The following RAP1B variants were observed in gnomAD, a reference collection of about 807,000 sequenced individuals.
RAP1B encodes the protein ras-related protein Rap-1b.
Under a neutral mutation model 27.5 loss-of-function variants are expected in RAP1B, and 1 was observed. The ratio of observed to expected loss-of-function variants is 0.04; its 90% confidence interval spans 0.01 to 0.17. RAP1B has a LOEUF of 0.17. Among genes scored for constraint, RAP1B ranks in the 10% least tolerant of loss-of-function variants. The pLI, the probability that RAP1B is intolerant of heterozygous loss-of-function variation, is 1.00. For missense variants in RAP1B, 84 were observed against 214.8 expected, an observed-to-expected ratio of 0.39 and a Z score of 3.81; for synonymous variants, 75 against 73.1, an observed-to-expected ratio of 1.03 and a Z score of -0.13.
chr12:68,666,724 G>A lies in RAP1B; in HGVS notation c.*7475G>A, dbSNP rs1171350768. ...TTGGGATGTGGACATGCCTTTGGGA[G>A]CCATTAACAACCTACCAAAACATTT... is the stretch of plus-strand genomic sequence containing the variant. On this transcript the variant is annotated 3_prime_UTR_variant, in exon 8 of 8. Coordinates refer to ENST00000250559, the MANE Select transcript of RAP1B (RefSeq NM_001010942.3). The A allele has an allele frequency of 1.3e-5, 2 of 152,212 alleles. No individual in the cohort carries two copies. The highest frequency in any genetic ancestry group is 3.8e-4 in the East Asian group (2 of 5,206). The allele number at this position is 152,212 out of a possible 1,614,324, so 9.4% of individuals were successfully genotyped here.
Position 68,610,922 on chromosome 12 carries a change from T to C in RAP1B, c.-148T>C. ...GCGACATCGCCAAACCTCGCCCAGA[T>C]TCAGGCGTGTAAACCAGCCGGAGCG... is the stretch of plus-strand genomic sequence containing the variant. On this transcript the variant is annotated 5_prime_UTR_variant, in exon 1 of 8. Transcript: ENST00000250559. 6.5e-6 allele frequency: 2 copies of C among 305,626 alleles called. No individual in the cohort carries two copies. The highest frequency in any genetic ancestry group is 4.7e-5 in the East Asian group (1 of 21,400). 18.9% of individuals were successfully genotyped at this position (305,626 alleles called of 1,614,324 possible). A position where few individuals can be genotyped will look rare whatever the true frequency, so the allele number is the denominator to read the frequency against.
rs1334417457 is a variant in RAP1B, at chr12:68,668,694, G to A, written c.*9445G>A. 1.3e-5 allele frequency: 2 copies of A among 152,168 alleles called. No individual in the cohort carries two copies. The highest frequency in any genetic ancestry group is 4.8e-5 in the African/African-American group (2 of 41,428). 9.4% of individuals were successfully genotyped at this position (152,168 alleles called of 1,614,324 possible). On this transcript the variant is annotated 3_prime_UTR_variant, in exon 8 of 8. Coordinates refer to ENST00000250559, the MANE Select transcript of RAP1B (RefSeq NM_001010942.3). ...TCACAAATAGAAGTTTAAGAAAGCT[G>A]TCAGGTAGGCGCCTCAAATTCATTT... is the stretch of plus-strand genomic sequence containing the variant.
At chr12:68,647,020 T>A (rs1022040109) in intron 1 of RAP1B, among the ~76,000 whole-genome samples, 1 of 152,180 alleles carries the variant, frequency 6.6e-6, no homozygotes, top group African/African-American at 2.4e-5. Flanking sequence ...CAGAATACTT[T>A]TGAAAATTTC....
intron 1 of RAP1B, among the ~76,000 whole-genome samples, chr12:68,646,748 C>T (rs1873437639): frequency 6.6e-6 from 1 of 152,236 alleles, no homozygotes; most frequent in African/African-American, 2.4e-5. Context: ...GGTTATTGTA[C>T]TTCCATTTGT....
In RAP1B at chr12:68,669,774, T is replaced by G. The variant is rs1875003113; in HGVS notation, c.*10525T>G. 6.6e-6 allele frequency: 1 copy of G among 152,122 alleles called. No individual in the cohort carries two copies. The highest frequency in any genetic ancestry group is 2.1e-4 in the South Asian group (1 of 4,818). 9.4% of individuals were successfully genotyped at this position (152,122 alleles called of 1,614,324 possible). On this transcript the variant is annotated 3_prime_UTR_variant, in exon 8 of 8. Coordinates refer to ENST00000250559, the MANE Select transcript of RAP1B (RefSeq NM_001010942.3). ...GAGATTGTACCACTGCACTCCAGCC[T>G]GGGTGACAGAGCAAATCTCTATCTC...
chr12:68,628,977 A>G (rs550008435), intron 1 of RAP1B, among the ~76,000 whole-genome samples: 87 of 152,038 alleles, frequency 5.7e-4, no homozygotes, highest in Non-Finnish European at 1.0e-3. Context: ...TGAATCACAA[A>G]TCCTTTATCT....
rs553319382 is a variant in RAP1B, at chr12:68,647,098, G to A, written c.-26-1601G>A. Among the ~76,000 whole-genome samples, 66 of 152,236 alleles carry A rather than the reference G, an allele frequency of 4.3e-4. No homozygotes were observed. The Middle Eastern group carries it at 0.017, about 39-fold the overall frequency. ...GACAGAATCTCACTGTGTTGCCCAG[G>A]CTGGACTCCAGTGGTGTGATCTCAG... is the stretch of plus-strand genomic sequence containing the variant. On this transcript the variant is annotated intron_variant, in intron 1 of 7. Transcript: ENST00000250559.
intron 1 of RAP1B, among the ~76,000 whole-genome samples, chr12:68,631,701 G>T (rs1872249272): frequency 6.6e-6 from 1 of 151,760 alleles, no homozygotes. Context: ...TTGAAATATT[G>T]TAACTTTTTT....
rs1269605154 is a variant in RAP1B at position 68,667,208 on chromosome 12, T to C, written c.*7959T>C. The C allele has an allele frequency of 2.6e-5, 4 of 152,210 alleles. No individual in the cohort carries two copies. The highest frequency in any genetic ancestry group is 9.6e-5 in the African/African-American group (4 of 41,454). 9.4% of individuals were successfully genotyped at this position (152,210 alleles called of 1,614,324 possible). A position where few individuals can be genotyped will look rare whatever the true frequency, so the allele number is the denominator to read the frequency against. On this transcript the variant is annotated 3_prime_UTR_variant, in exon 8 of 8. Coordinates refer to ENST00000250559, the MANE Select transcript of RAP1B (RefSeq NM_001010942.3). ...CACGCATCCCACCTTTAATCAGACA[T>C]ATGTGATTCATATGAGAGAAAATTA...
At position 68,637,624 on chromosome 12, in the gene RAP1B, A is replaced by AC. The variant is rs1872720743; in HGVS notation, c.-26-11075_-26-11074insC. On this transcript the variant is annotated intron_variant, in intron 1 of 7. Transcript: ENST00000250559. ...CAAAAAAAAAAAAAAAAAAAAAAAA[A>AC]AAAACAAGATGCCAGCCTAGAAATA... 1.3e-5 allele frequency among the ~76,000 whole-genome samples: 2 copies of AC among 150,658 alleles called. 1 individual carries two copies. Among genetic ancestry groups the AC allele is most frequent in the African/African-American group, 4.9e-5 (2 of 41,150 alleles).
At chr12:68,654,447 T>C (rs1372707700) in intron 5 of RAP1B, among the ~76,000 whole-genome samples, 195 bp downstream of exon 5, 1 of 151,892 alleles carries the variant, frequency 6.6e-6, no homozygotes, top group African/African-American at 2.4e-5. Flanking sequence ...GTGAGAAATT[T>C]CCTCCTTTGC....
At chr12:68,630,267 G>A (rs1232520137) in intron 1 of RAP1B, among the ~76,000 whole-genome samples, 1 of 152,190 alleles carries the variant, frequency 6.6e-6, no homozygotes, top group African/African-American at 2.4e-5. Flanking sequence ...ACTATTTTAA[G>A]CCTTGTTAAC....
chr12:68,643,106 T>C (rs1873140655), intron 1 of RAP1B: 4 of 597,202 alleles, frequency 6.7e-6, no homozygotes, highest in South Asian at 6.2e-5. Flanking sequence ...GATTATAGTT[T>C]TTGTTTTTCT....
chr12:68,624,004 G>C (rs1871568609), intron 1 of RAP1B, among the ~76,000 whole-genome samples: 1 of 150,034 alleles, frequency 6.7e-6, no homozygotes, highest in African/African-American at 2.5e-5. Context: ...CTGGGCGACA[G>C]AGTGAGACTC....
chr12:68,614,934 G>A (rs1436516855), intron 1 of RAP1B, among the ~76,000 whole-genome samples: 1 of 152,204 alleles, frequency 6.6e-6, no homozygotes. Flanking sequence ...TTATCCATTT[G>A]CAGTAAAAAC....
rs943238726 is a variant in RAP1B at position 68,662,838 on chromosome 12, T to TG, written c.*3589_*3590insG. On this transcript the variant is annotated 3_prime_UTR_variant, in exon 8 of 8. Transcript: ENST00000250559. ...TAGACCCCATCTCTACAAAAAAAAATTTTTTTTTAATTAGCTGGGCATGGT... is the reference window on the plus strand; with the variant it reads ...TAGACCCCATCTCTACAAAAAAAAATGTTTTTTTTAATTAGCTGGGCATGGT... 1 of 151,020 alleles carries TG rather than the reference T, an allele frequency of 6.6e-6. No individual in the cohort carries two copies. The highest frequency in any genetic ancestry group is 1.5e-5 in the Non-Finnish European group (1 of 67,798). 9.4% of individuals were successfully genotyped at this position (151,020 alleles called of 1,614,324 possible). A position where few individuals can be genotyped will look rare whatever the true frequency, so the allele number is the denominator to read the frequency against.
At chr12:68,657,396 A>C (rs1399523678) in intron 7 of RAP1B, 179 bp downstream of exon 7, 6 of 439,616 alleles carry the variant, frequency 1.4e-5, no homozygotes, top group Non-Finnish European at 2.5e-5. Context: ...TCATGAGTAA[A>C]GTATTTCACA....
Position 68,645,447 on chromosome 12 carries a change from T to A in RAP1B, c.-26-3252T>A, listed in dbSNP as rs554787975. ...AAATCTGATGTAACTATTCCCATTT[T>A]TAATTGTGCATGAAATTTTAGGGAA... On this transcript the variant is annotated intron_variant, in intron 1 of 7. Transcript: ENST00000250559. Among the ~76,000 whole-genome samples, 20 of 152,400 alleles carry A rather than the reference T, an allele frequency of 1.3e-4. No individual in the cohort carries two copies. The South Asian group carries it at 4.1e-3, about 32-fold the overall frequency.
rs1874882420 is a variant in RAP1B at position 68,667,009 on chromosome 12, T to C, written c.*7760T>C. 1 of 152,228 alleles carries C rather than the reference T, an allele frequency of 6.6e-6. No homozygotes were observed. Among genetic ancestry groups the C allele is most frequent in the Non-Finnish European group, 1.5e-5 (1 of 68,048 alleles). The allele number at this position is 152,228 out of a possible 1,614,324, so 9.4% of individuals were successfully genotyped here. On this transcript the variant is annotated 3_prime_UTR_variant, in exon 8 of 8. Transcript: ENST00000250559. ...CTGGGTATGGAATATTGTTAACCAT[T>C]GTCATCCCACAGAATTACCTTCTAC...
Sources: gnomAD v4.1 joint callset for allele counts (sites outside exome capture counted in the v4.1 genomes callset) on GRCh38, gnomAD v4.1.1 for gene constraint, MANE v1.5 for transcripts, NCBI Gene and HGNC (gene_info 2026-07-23, HGNC 2026-07-21) for gene names.